ZNF708: variants seen among roughly 807,000 people sequenced by gnomAD.
ZNF708 encodes the protein ZNF15, ZNF15L1.
A neutral mutation model predicts 47.0 loss-of-function variants in ZNF708; 44 were observed. The observed-to-expected ratio is 0.94, with a 90% CI of 0.74 to 1.20. The LOEUF (loss-of-function observed/expected upper bound fraction) is 1.20. ZNF708 is among the 50% of genes most tolerant of loss of function. The probability of loss-of-function intolerance (pLI) is 0.00; values close to 1 mark genes in which losing one functional copy is unlikely to be tolerated. For synonymous variants in ZNF708, 184 were observed against 218.5 expected, an observed-to-expected ratio of 0.84 and a Z score of 1.39; for missense variants, 557 against 656.0, an observed-to-expected ratio of 0.85 and a Z score of 1.65.
intron 1 of ZNF708, among the ~76,000 whole-genome samples, chr19:21,324,333 C>G (rs1457114084): frequency 6.6e-6 from 1 of 151,822 alleles, no homozygotes; most frequent in Non-Finnish European, 1.5e-5. Context: ...TTTGGGAGGC[C>G]GAGGCGGGCA....
At chr19:21,298,276 C>CA (rs1385527193) in intron 3 of ZNF708, among the ~76,000 whole-genome samples, 2 of 151,236 alleles carry the variant, frequency 1.3e-5, no homozygotes, top group Non-Finnish European at 3.0e-5. Context: ...TCTGTTAGGC[C>CA]AAAAAAAATT....
chr19:21,319,600 G>A (rs1973086671), intron 1 of ZNF708, among the ~76,000 whole-genome samples: 1 of 151,992 alleles, frequency 6.6e-6, no homozygotes, highest in Non-Finnish European at 1.5e-5. Context: ...ACAGGTATGA[G>A]CCACCACGCC....
At chr19:21,305,251 C>A (rs964534010) in intron 3 of ZNF708, among the ~76,000 whole-genome samples, 1 of 151,580 alleles carries the variant, frequency 6.6e-6, no homozygotes, top group Non-Finnish European at 1.5e-5. Context: ...CCTTGTGATT[C>A]GCTCACCTCA....
chr19:21,315,347 C>T (rs1357364032), intron 1 of ZNF708, among the ~76,000 whole-genome samples: 1 of 152,182 alleles, frequency 6.6e-6, no homozygotes, highest in East Asian at 1.9e-4. Flanking sequence ...AATTCAAAGT[C>T]TGGCCCTGTC....
rs370415072 is a variant in ZNF708 at position 21,310,491 on chromosome 19, T to A, written c.130+10A>T. 1.3e-5 allele frequency: 17 copies of A among 1,323,560 alleles called. No individual in the cohort carries two copies. The African/African-American group carries it at 2.5e-4, about 19-fold the overall frequency. 82.0% of individuals were successfully genotyped at this position (1,323,560 alleles called of 1,614,324 possible). On this transcript the variant is annotated intron_variant, in intron 2 of 3. Coordinates refer to ENST00000356929, the MANE Select transcript of ZNF708 (RefSeq NM_021269.3). ...TAATAAAAATTAAAAAAAAAAAAAC[T>A]TATCCTCACCCAGGAATACCAGGTT... is the stretch of plus-strand genomic sequence containing the variant.
At chr19:21,327,296 G>A (rs1300149343) in intron 1 of ZNF708, among the ~76,000 whole-genome samples, 9 of 151,996 alleles carry the variant, frequency 5.9e-5, no homozygotes, top group Non-Finnish European at 7.4e-5. Flanking sequence ...TTGGGAGGCC[G>A]AGGCGGGCGG....
At position 21,313,757 on chromosome 19, in the gene ZNF708, CAA is replaced by C. The variant is rs71176848; in HGVS notation, c.4-3132_4-3131del. Among the ~76,000 whole-genome samples, 675 of 109,790 alleles carry C rather than the reference CAA, an allele frequency of 6.1e-3. 5 individuals carry two copies. Among genetic ancestry groups the C allele is most frequent in the African/African-American group, 0.018 (514 of 28,332 alleles). The allele number at this position is 109,790 out of a possible 152,430, so 72.0% of individuals were successfully genotyped here. On this transcript the variant is annotated intron_variant, in intron 1 of 3. Transcript: ENST00000356929. ...TGGGCAACAGTGCGAGACTATGTCT[CAA>C]AAAAAAAAAAAAAAAAGTGTGTAGA...
intron 3 of ZNF708, among the ~76,000 whole-genome samples, chr19:21,307,155 T>TAA (rs1326945158): frequency 2.5e-4 from 22 of 88,522 alleles, no homozygotes; most frequent in African/African-American, 5.9e-4. Context: ...AAATAAAATA[T>TAA]AATATAAAAT....
In ZNF708 at chr19:21,293,262, G is replaced by A. The variant is rs1456126823; in HGVS notation, c.*12C>T. ...TAATAAAAGTTGAAAATACACTAAA[G>A]GATTTGACACATTATTTACATTTGT... On this transcript the variant is annotated 3_prime_UTR_variant, in exon 4 of 4. Coordinates refer to ENST00000356929, the MANE Select transcript of ZNF708 (RefSeq NM_021269.3). 6.3e-7 allele frequency: 1 copy of A among 1,594,984 alleles called. No homozygotes were observed. Among genetic ancestry groups the A allele is most frequent in the East Asian group, 2.2e-5 (1 of 44,720 alleles).
At chr19:21,323,044 A>G (rs1177872259) in intron 1 of ZNF708, among the ~76,000 whole-genome samples, 1 of 152,260 alleles carries the variant, frequency 6.6e-6, no homozygotes, top group Non-Finnish European at 1.5e-5. Context: ...TTTATTATAA[A>G]AGATACAACC....
chr19:21,297,252 A>G lies in ZNF708; in HGVS notation c.227-2513T>C, dbSNP rs1568345435. Among the ~76,000 whole-genome samples, 18 of 12,502 alleles carry G rather than the reference A, an allele frequency of 1.4e-3. 1 individual carries two copies. The highest frequency in any genetic ancestry group is 2.4e-3 in the Non-Finnish European group (12 of 5,088). 8.2% of individuals were successfully genotyped at this position (12,502 alleles called of 152,430 possible). On this transcript the variant is annotated intron_variant, in intron 3 of 3. Coordinates refer to ENST00000356929, the MANE Select transcript of ZNF708 (RefSeq NM_021269.3). ...TTTTGTATGCAAATAAGGTATATATATATATATATATATATATATTTTTTT... is the reference window on the plus strand; with the variant it reads ...TTTTGTATGCAAATAAGGTATATATGTATATATATATATATATATTTTTTT...
At chr19:21,324,127 C>T (rs1035310251) in intron 1 of ZNF708, among the ~76,000 whole-genome samples, 27 of 152,080 alleles carry the variant, frequency 1.8e-4, no homozygotes, top group African/African-American at 6.3e-4. Flanking sequence ...ACTTGTAGTC[C>T]CTGCTACTGG....
intron 1 of ZNF708, among the ~76,000 whole-genome samples, chr19:21,322,687 G>A (rs1432630791): frequency 6.6e-6 from 1 of 152,232 alleles, no homozygotes; most frequent in African/African-American, 2.4e-5. Flanking sequence ...GACAGCCTGT[G>A]TACAGGAGAG....
At chr19:21,304,257 GGTTT>G (rs1379897651) in intron 3 of ZNF708, among the ~76,000 whole-genome samples, 1 of 150,506 alleles carries the variant, frequency 6.6e-6, no homozygotes, top group Non-Finnish European at 1.5e-5. Context: ...GAAGAAGCCA[GGTTT>G]TTTTTTTTTT....
chr19:21,317,590 C>T (rs2145179998), intron 1 of ZNF708, among the ~76,000 whole-genome samples: 1 of 152,164 alleles, frequency 6.6e-6, no homozygotes, highest in South Asian at 2.1e-4. Context: ...ATCTCCAGCC[C>T]CAGAAAAACT....
chr19:21,307,126 TAA>T (rs1263578633), intron 3 of ZNF708, among the ~76,000 whole-genome samples: 1 of 134,264 alleles, frequency 7.4e-6, no homozygotes, highest in African/African-American at 2.8e-5. Flanking sequence ...AAATATAAAA[TAA>T]AAAATAAAAT....
In ZNF708 at chr19:21,294,242, G is replaced by C. The variant is rs767717617; in HGVS notation, c.724C>G (p.His242Asp). Reference protein sequence around the residue: ...AFNQSSTLTRHKIIHTGEKLY... With the variant: ...AFNQSSTLTRDKIIHTGEKLY... ...TTCTCTCCAGTATGAATTATCTTAT[G>C]TCTAGTAAGAGTTGAGGACTGGTTA... The change falls in exon 4 of 4, where the codon CAT (histidine) becomes GAT (aspartate). Residue 242 changes from histidine (H) to aspartate (D), a missense_variant. His to Asp is a moderately conservative substitution (Grantham distance 81). Coordinates refer to ENST00000356929, the MANE Select transcript of ZNF708 (RefSeq NM_021269.3). The C allele has an allele frequency of 1.3e-5, 21 of 1,612,684 alleles. No homozygotes were observed. The Admixed American group carries it at 3.3e-4, about 26-fold the overall frequency.
intron 3 of ZNF708, among the ~76,000 whole-genome samples, chr19:21,303,514 A>G (rs1353435377): frequency 1.3e-5 from 2 of 152,172 alleles, no homozygotes; most frequent in Admixed American, 6.5e-5. Context: ...AGATCACGCT[A>G]CAGCACTCCA....
intron 1 of ZNF708, among the ~76,000 whole-genome samples, chr19:21,311,801 C>T (rs1056553370): frequency 6.6e-6 from 1 of 152,114 alleles, no homozygotes; most frequent in South Asian, 2.1e-4. Flanking sequence ...CTCAGGTGCC[C>T]TTCCCTTACA....
Sources: gnomAD v4.1 joint callset for allele counts (sites outside exome capture counted in the v4.1 genomes callset) on GRCh38, gnomAD v4.1.1 for gene constraint, MANE v1.5 for transcripts, NCBI Gene and HGNC (gene_info 2026-07-23, HGNC 2026-07-21) for gene names.